MRAS: variants seen among roughly 807,000 people sequenced by gnomAD.
MRAS encodes ras-related protein M-Ras.
In MRAS, 4 loss-of-function variants were observed where a neutral mutation model predicts 20.9. The ratio of observed to expected loss-of-function variants is 0.19; its 90% CI spans 0.09 to 0.44. MRAS has a LOEUF of 0.44. MRAS is among the 20% of genes least tolerant of loss of function. The pLI is 0.99. For synonymous variants in MRAS, 98 were observed against 102.9 expected, an observed-to-expected ratio of 0.95 and a Z score of 0.29; for missense variants, 154 against 277.5, an observed-to-expected ratio of 0.56 and a Z score of 3.16.
intron 2 of MRAS, among the ~76,000 whole-genome samples, chr3:138,393,886 T>G (rs2055179917): frequency 6.6e-6 from 1 of 152,108 alleles, no homozygotes; most frequent in South Asian, 2.1e-4. Context: ...AGATGGGGTT[T>G]CACGATGTTG....
At chr3:138,400,350 T>A in intron 4 of MRAS, 184 bp from the exon 5 acceptor site, 1 of 592,198 alleles carries the variant, frequency 1.7e-6, no homozygotes, top group Non-Finnish European at 3.0e-6. Flanking sequence ...AAGCCATTAG[T>A]AACACTTTCC....
intron 1 of MRAS, among the ~76,000 whole-genome samples, chr3:138,365,671 A>G (rs1488238479): frequency 2.0e-5 from 3 of 152,224 alleles, no homozygotes; most frequent in Admixed American, 6.5e-5. Context: ...GTTCCTATGG[A>G]AAAGGATGGC....
Position 138,377,010 on chromosome 3 carries a change from G to T in MRAS, c.193+3934G>T, listed in dbSNP as rs149166736. Among the ~76,000 whole-genome samples, 967 of 152,288 alleles carry T rather than the reference G, an allele frequency of 6.3e-3. 7 individuals carry two copies. Among genetic ancestry groups the T allele is most frequent in the African/African-American group, 0.022 (930 of 41,558 alleles). ...CCTGAGTACCTTTGGATGTTAAATTGGTTTCTGAGGAAAAATGTTTTCCTC... is the reference window on the plus strand; with the variant it reads ...CCTGAGTACCTTTGGATGTTAAATTTGTTTCTGAGGAAAAATGTTTTCCTC... On this transcript the variant is annotated intron_variant, in intron 2 of 5. Coordinates refer to ENST00000423968, the MANE Select transcript of MRAS (RefSeq NM_001085049.3).
chr3:138,364,990 C>T (rs535297084), intron 1 of MRAS, among the ~76,000 whole-genome samples: 2 of 152,334 alleles, frequency 1.3e-5, no homozygotes, highest in Admixed American at 1.3e-4. Context: ...CACATACTCA[C>T]CAGCCCCTAG....
At chr3:138,387,155 A>G (rs139947898) in intron 2 of MRAS, among the ~76,000 whole-genome samples, 54 of 152,108 alleles carry the variant, frequency 3.6e-4, no homozygotes, top group African/African-American at 1.3e-3. Flanking sequence ...GGAGTGGGAG[A>G]ATGATGGAGA....
chr3:138,361,640 C>T (rs553748912), intron 1 of MRAS, among the ~76,000 whole-genome samples: 3 of 152,244 alleles, frequency 2.0e-5, no homozygotes, highest in South Asian at 4.1e-4. Flanking sequence ...TGAGGAGGTG[C>T]GGGGCTCTGT....
chr3:138,400,471 A>G (rs2055336033), intron 4 of MRAS, 63 bp from the exon 5 acceptor site: 1 of 1,470,920 alleles, frequency 6.8e-7, no homozygotes, highest in Non-Finnish European at 9.5e-7. Flanking sequence ...GGCATTTTTA[A>G]GGGTGTAACA....
intron 2 of MRAS, among the ~76,000 whole-genome samples, chr3:138,379,514 C>T (rs893959455): frequency 1.4e-4 from 22 of 152,156 alleles, no homozygotes; most frequent in African/African-American, 3.6e-4. Context: ...CCTGCCAACA[C>T]GCTCGGCTAA....
intron 1 of MRAS, among the ~76,000 whole-genome samples, chr3:138,367,233 T>C (rs2054578962): frequency 6.6e-6 from 1 of 152,180 alleles, no homozygotes; most frequent in Non-Finnish European, 1.5e-5. Flanking sequence ...AAATATGCCC[T>C]TGCTGAGGGG....
chr3:138,376,386 G>C (rs909946720), intron 2 of MRAS, among the ~76,000 whole-genome samples: 1 of 152,100 alleles, frequency 6.6e-6, no homozygotes, highest in African/African-American at 2.4e-5. Flanking sequence ...TTTTATCTTT[G>C]TTTGTGTTTT....
intron 1 of MRAS, among the ~76,000 whole-genome samples, chr3:138,355,668 C>T (rs1029675729): frequency 2.6e-4 from 39 of 152,204 alleles, no homozygotes; most frequent in African/African-American, 7.7e-4. Context: ...CAGTGGCTCA[C>T]GCCTGTAATT....
intron 1 of MRAS, among the ~76,000 whole-genome samples, chr3:138,365,759 G>A (rs2054545950): frequency 6.6e-6 from 1 of 152,226 alleles, no homozygotes; most frequent in African/African-American, 2.4e-5. Flanking sequence ...TCTCTCTGGA[G>A]CAGTCACTGT....
intron 1 of MRAS, among the ~76,000 whole-genome samples, chr3:138,356,739 C>T (rs1268137755): frequency 6.6e-6 from 1 of 152,220 alleles, no homozygotes; most frequent in African/African-American, 2.4e-5. Flanking sequence ...CCACATTCCT[C>T]AGGTTGAGGT....
At chr3:138,371,437 CTA>C (rs1485411169) in intron 1 of MRAS, among the ~76,000 whole-genome samples, 1 of 152,170 alleles carries the variant, frequency 6.6e-6, no homozygotes, top group Non-Finnish European at 1.5e-5. Flanking sequence ...GATAAGGAAA[CTA>C]TGGCTCAGAG....
intron 1 of MRAS, among the ~76,000 whole-genome samples, chr3:138,359,185 G>A (rs1368020850): frequency 6.6e-6 from 1 of 152,160 alleles, no homozygotes; most frequent in African/African-American, 2.4e-5. Context: ...TTAGGGCTTG[G>A]GGAGGGAGAT....
chr3:138,380,884 CT>C (rs2108533221), intron 2 of MRAS, among the ~76,000 whole-genome samples: 1 of 152,092 alleles, frequency 6.6e-6, no homozygotes, highest in African/African-American at 2.4e-5. Flanking sequence ...ATTCTCCTGC[CT>C]CAGTCTTCCG....
intron 1 of MRAS, among the ~76,000 whole-genome samples, chr3:138,371,679 G>A (rs554756333): frequency 6.6e-6 from 1 of 152,202 alleles, no homozygotes; most frequent in Non-Finnish European, 1.5e-5. Flanking sequence ...GCCCTACCAG[G>A]AGGTGGTATT....
At chr3:138,399,362 A>G (rs909497944) in intron 4 of MRAS, among the ~76,000 whole-genome samples, 4 of 152,210 alleles carry the variant, frequency 2.6e-5, no homozygotes, top group South Asian at 2.1e-4. Context: ...TATTTGTCCA[A>G]TGAATATTTC....
At chr3:138,359,858 G>A (rs866535901) in intron 1 of MRAS, among the ~76,000 whole-genome samples, 20 of 152,244 alleles carry the variant, frequency 1.3e-4, no homozygotes, top group South Asian at 6.2e-4. Flanking sequence ...GCTCAAGAAG[G>A]ATGGGTACAG....
Sources: allele counts gnomAD v4.1 joint callset (sites outside exome capture counted in the v4.1 genomes callset), GRCh38; gene constraint gnomAD v4.1.1; transcripts MANE v1.5; gene names NCBI Gene and HGNC (gene_info 2026-07-23, HGNC 2026-07-21).